Variants in RGSL1 observed in about 807,000 individuals in gnomAD.
RGSL1 encodes the protein regulator of G protein signaling like 1.
In RGSL1, 97 loss-of-function variants were observed where a neutral mutation model predicts 124.7. The ratio of observed to expected loss-of-function variants is 0.78; its 90% CI spans 0.66 to 0.92. The LOEUF (loss-of-function observed/expected upper bound fraction) is 0.92. Ranked by LOEUF, RGSL1 falls within the 40% of genes least tolerant of loss-of-function variation. The pLI is 0.00. For synonymous variants in RGSL1, 424 were observed against 438.1 expected, an observed-to-expected ratio of 0.97 and a Z score of 0.40; for missense variants, 1,233 against 1,288.4, an observed-to-expected ratio of 0.96 and a Z score of 0.66.
At chr1:182,450,924 A>T (rs1651762293) in intron 1 of RGSL1, among the ~76,000 whole-genome samples, 1 of 152,170 alleles carries the variant, frequency 6.6e-6, no homozygotes. Flanking sequence ...AGGCAGGTGG[A>T]TTACCTGAGG....
chr1:182,456,146 G>A (rs1029562300), intron 2 of RGSL1, among the ~76,000 whole-genome samples: 1 of 152,148 alleles, frequency 6.6e-6, no homozygotes, highest in Non-Finnish European at 1.5e-5. Context: ...GGAAGCAAGG[G>A]TAACAGGCTT....
At position 182,560,291 on chromosome 1, in the gene RGSL1, G is replaced by C. The variant is rs1398538373; in HGVS notation, c.*178G>C. On this transcript the variant is annotated 3_prime_UTR_variant, in exon 22 of 22. Coordinates refer to ENST00000294854, the MANE Select transcript of RGSL1 (RefSeq NM_001137669.2). The stretch of plus-strand genomic sequence containing the variant: ...CTTTGTTTTTTAGGAATCTCATACA[G>C]CCCATTCAGACTAAAGGGTGATGGA... 6.6e-6 allele frequency: 1 copy of C among 152,140 alleles called. No individual in the cohort carries two copies. The highest frequency in any genetic ancestry group is 1.5e-5 in the Non-Finnish European group (1 of 68,032). The allele number at this position is 152,140 out of a possible 1,614,324, so 9.4% of individuals were successfully genotyped here. A position where few individuals can be genotyped will look rare whatever the true frequency, so the allele number is the denominator to read the frequency against.
chr1:182,553,410 G>C, intron 18 of RGSL1, 45 bp from the exon 19 acceptor site: 3 of 1,389,262 alleles, frequency 2.2e-6, no homozygotes, highest in Non-Finnish European at 3.0e-6. Context: ...ATTTCAGTAG[G>C]AGTTGTCGCA....
In RGSL1 at chr1:182,460,046, C is replaced by G; in HGVS notation, c.214C>G (p.Arg72Gly). Reference sequence around the variant, plus strand: ...GTTATTGACCTGGTTGGAAAAATGCCGATTACCTTTCTTCTGTAAAACAAA... The same window carrying G: ...GTTATTGACCTGGTTGGAAAAATGCGGATTACCTTTCTTCTGTAAAACAAA... ...KGLLTWLEKC[R>G]LPFFCKTNLC... The change falls in exon 4 of 22, where the codon CGA becomes GGA. Residue 72 changes from arginine to glycine, a missense_variant. Physicochemically the swap from Arg to Gly is moderately radical, Grantham distance 125. Coordinates refer to ENST00000294854, the MANE Select transcript of RGSL1 (RefSeq NM_001137669.2). 6.4e-7 allele frequency: 1 copy of G among 1,551,556 alleles called. No homozygotes were observed. The highest frequency in any genetic ancestry group is 8.7e-7 in the Non-Finnish European group (1 of 1,146,958).
At chr1:182,475,106 C>G (rs112002276) in intron 6 of RGSL1, among the ~76,000 whole-genome samples, 1 of 152,144 alleles carries the variant, frequency 6.6e-6, no homozygotes, top group Non-Finnish European at 1.5e-5. Context: ...ATGTCCATTC[C>G]TTCTTCACTT....
intron 21 of RGSL1, among the ~76,000 whole-genome samples, chr1:182,558,273 C>T (rs897611695): frequency 3.3e-5 from 5 of 151,944 alleles, no homozygotes; most frequent in African/African-American, 7.3e-5. Flanking sequence ...GAGGAAAAGG[C>T]GTCCCAACAC....
intron 9 of RGSL1, among the ~76,000 whole-genome samples, chr1:182,497,901 C>T (rs1656051644): frequency 6.6e-6 from 1 of 152,102 alleles, no homozygotes; most frequent in Admixed American, 6.5e-5. Flanking sequence ...TCCCACCCCT[C>T]TTTTTGTAGA....
At chr1:182,543,169 A>G (rs1659996677) in intron 15 of RGSL1, among the ~76,000 whole-genome samples, 1 of 152,052 alleles carries the variant, frequency 6.6e-6, no homozygotes, top group Non-Finnish European at 1.5e-5. Flanking sequence ...CCCATTCTAT[A>G]TGATGTTAGC....
At chr1:182,484,597 G>T (rs1042107122) in intron 6 of RGSL1, among the ~76,000 whole-genome samples, 1 of 152,206 alleles carries the variant, frequency 6.6e-6, no homozygotes, top group Non-Finnish European at 1.5e-5. Context: ...GTGACTAGGA[G>T]AGAAATATGG....
intron 4 of RGSL1, among the ~76,000 whole-genome samples, chr1:182,468,512 C>T (rs1341979870): frequency 3.9e-5 from 6 of 152,044 alleles, no homozygotes; most frequent in African/African-American, 1.4e-4. Context: ...CAAACTATCG[C>T]AAGGACAAAA....
chr1:182,494,329 C>T (rs1235422487), intron 9 of RGSL1, among the ~76,000 whole-genome samples: 2 of 152,198 alleles, frequency 1.3e-5, no homozygotes, highest in Non-Finnish European at 2.9e-5. Flanking sequence ...GCTACTATTT[C>T]CTCTAGTAGA....
At chr1:182,471,742 T>C (rs895428897) in intron 4 of RGSL1, among the ~76,000 whole-genome samples, 2 of 152,106 alleles carry the variant, frequency 1.3e-5, no homozygotes, top group Admixed American at 1.3e-4. Flanking sequence ...AACAAATCCC[T>C]GTAGTGGGAG....
chr1:182,452,040 G>GGACAGA (rs1388110724), intron 1 of RGSL1, among the ~76,000 whole-genome samples: 1 of 151,586 alleles, frequency 6.6e-6, no homozygotes, highest in Non-Finnish European at 1.5e-5. Context: ...TGAGAGACAG[G>GGACAGA]GACAGAGACA....
chr1:182,462,430 A>C (rs1275534225), intron 4 of RGSL1, among the ~76,000 whole-genome samples: 1 of 152,184 alleles, frequency 6.6e-6, no homozygotes, highest in Non-Finnish European at 1.5e-5. Context: ...AAATAAATAT[A>C]ATACTAACAT....
rs369841205 is a variant in RGSL1, at chr1:182,530,783, C to G, written c.2244-7C>G. The stretch of plus-strand genomic sequence containing the variant: ...CCTGTTTGATATTACTGATGTCCTT[C>G]TGACAGGTTTAAAGATTATCAAGAC... On this transcript the variant is annotated splice_polypyrimidine_tract_variant and splice_region_variant and intron_variant, in intron 12 of 21. Transcript: ENST00000294854. 26 of 1,528,600 alleles carry G rather than the reference C, an allele frequency of 1.7e-5. No individual in the cohort carries two copies. The East Asian group carries it at 4.0e-4, about 23-fold the overall frequency. The allele number at this position is 1,528,600 out of a possible 1,614,324, so 94.7% of individuals were successfully genotyped here. A position where few individuals can be genotyped will look rare whatever the true frequency, so the allele number is the denominator to read the frequency against.
chr1:182,528,006 C>T (rs1437953025), intron 11 of RGSL1, among the ~76,000 whole-genome samples: 1 of 152,114 alleles, frequency 6.6e-6, no homozygotes, highest in African/African-American at 2.4e-5. Flanking sequence ...TGAAGAAATG[C>T]CTAAGACTGG....
At chr1:182,458,279 A>C in intron 2 of RGSL1, 40 bp from the exon 3 acceptor site, 1 of 1,459,918 alleles carries the variant, frequency 6.8e-7, no homozygotes, top group African/African-American at 1.4e-5. Context: ...CATGAAGAGA[A>C]GCTCTACTCC....
At chr1:182,536,980 G>A (rs1659589698) in intron 14 of RGSL1, among the ~76,000 whole-genome samples, 1 of 152,122 alleles carries the variant, frequency 6.6e-6, no homozygotes, top group East Asian at 1.9e-4. Context: ...CGTATCTCTT[G>A]CCCATTTTTA....
chr1:182,538,370 G>A (rs55855351), intron 14 of RGSL1, among the ~76,000 whole-genome samples: 3,069 of 151,948 alleles, frequency 0.02, 93 homozygotes, highest in African/African-American at 0.067. Flanking sequence ...TCTACTAACA[G>A]TACAAAAATT....
Sources: allele counts gnomAD v4.1 joint callset (sites outside exome capture counted in the v4.1 genomes callset), GRCh38; gene constraint gnomAD v4.1.1; transcripts MANE v1.5; gene names NCBI Gene and HGNC (gene_info 2026-07-23, HGNC 2026-07-21).